The following B4GALT5 variants were observed in gnomAD, a reference collection of about 807,000 sequenced individuals.
B4GALT5 encodes beta-1,4-galactosyltransferase 5.
Under a neutral mutation model 45.0 loss-of-function variants are expected in B4GALT5, and 11 were observed. The observed-to-expected ratio is 0.24, with a 90% CI of 0.15 to 0.40. The LOEUF is 0.40. Among genes scored for constraint, B4GALT5 ranks in the 10% least tolerant of loss-of-function variants. B4GALT5 has a pLI of 1.00. For synonymous variants in B4GALT5, 185 were observed against 182.9 expected, an observed-to-expected ratio of 1.01 and a Z score of -0.09; for missense variants, 337 against 500.2, an observed-to-expected ratio of 0.67 and a Z score of 3.11.
chr20:49,680,000 T>C lies in B4GALT5; in HGVS notation c.116-23298A>G, dbSNP rs536712026. Reference sequence around the variant, plus strand: ...CCTCTCACTAAATACATTTATCACATTCCAGAAGAAGAAAACTATTTTGAC... The same window carrying C: ...CCTCTCACTAAATACATTTATCACACTCCAGAAGAAGAAAACTATTTTGAC... On this transcript the variant is annotated intron_variant, in intron 1 of 8. Transcript: ENST00000371711. Among the ~76,000 whole-genome samples the C allele has an allele frequency of 4.1e-4, 62 of 152,332 alleles. 1 individual carries two copies. The South Asian group carries it at 8.5e-3, about 21-fold the overall frequency.
chr20:49,645,261 C>CT (rs1284072122), intron 3 of B4GALT5, among the ~76,000 whole-genome samples: 1 of 152,026 alleles, frequency 6.6e-6, no homozygotes, highest in East Asian at 1.9e-4. Context: ...ACAAAGCTGA[C>CT]TGCCTATACA....
intron 1 of B4GALT5, among the ~76,000 whole-genome samples, chr20:49,712,278 T>C (rs778002070): frequency 8.5e-5 from 13 of 152,212 alleles, no homozygotes; most frequent in Non-Finnish European, 1.9e-4. Context: ...GGGACTCACA[T>C]TCCCATTTTA....
At chr20:49,640,355 A>C (rs964082608) in intron 6 of B4GALT5, 123 bp downstream of exon 6, 16 of 811,108 alleles carry the variant, frequency 2.0e-5, no homozygotes, top group Non-Finnish European at 5.6e-6. Flanking sequence ...ATGGATACAC[A>C]CATTTTGTTT....
chr20:49,651,592 A>C (rs929061363), intron 2 of B4GALT5, among the ~76,000 whole-genome samples: 2 of 152,064 alleles, frequency 1.3e-5, no homozygotes, highest in Middle Eastern at 3.2e-3. Context: ...CCGTCTCAAA[A>C]AAAAAAAAGA....
rs753899622 is a variant in B4GALT5, at chr20:49,713,539, GA to G, written c.115+36del. The G allele has an allele frequency of 8.4e-6, 13 of 1,541,744 alleles. No homozygotes were observed. The African/African-American group carries it at 1.4e-4, about 16-fold the overall frequency. ...GGATTCCCCGGGTCCCTCAAGGCCA[GA>G]GCGGCAGCCGCCGCGGTCCCAAGCC... On this transcript the variant is annotated intron_variant, in intron 1 of 8. Coordinates refer to ENST00000371711, the MANE Select transcript of B4GALT5 (RefSeq NM_004776.4).
intron 1 of B4GALT5, among the ~76,000 whole-genome samples, chr20:49,671,112 C>T (rs903392239): frequency 2.6e-5 from 4 of 152,168 alleles, no homozygotes; most frequent in Non-Finnish European, 4.4e-5. Context: ...GGCACGGTGG[C>T]TCATGCCTAT....
At chr20:49,640,269 G>T (rs1183019131) in intron 6 of B4GALT5, among the ~76,000 whole-genome samples, 1 of 152,104 alleles carries the variant, frequency 6.6e-6, no homozygotes, top group Admixed American at 6.5e-5. Flanking sequence ...TTAACGTAAT[G>T]TTTTCGAAGT....
At chr20:49,677,223 T>C (rs560711142) in intron 1 of B4GALT5, among the ~76,000 whole-genome samples, 2 of 151,354 alleles carry the variant, frequency 1.3e-5, no homozygotes, top group East Asian at 3.9e-4. Context: ...ATGACCCACA[T>C]ACAAACTGAA....
intron 1 of B4GALT5, among the ~76,000 whole-genome samples, chr20:49,679,987 T>C (rs1407800903): frequency 2.0e-5 from 3 of 152,198 alleles, no homozygotes; most frequent in African/African-American, 7.2e-5. Flanking sequence ...TCTCACTAAA[T>C]ACATTTATCA....
At chr20:49,636,559 C>T in intron 8 of B4GALT5, 100 bp from the exon 9 acceptor site, 1 of 1,343,828 alleles carries the variant, frequency 7.4e-7, no homozygotes, top group Non-Finnish European at 1.0e-6. Context: ...AGGACGCAAC[C>T]CATGGCAGCA....
At chr20:49,659,563 T>A (rs1358656494) in intron 1 of B4GALT5, among the ~76,000 whole-genome samples, 1 of 152,214 alleles carries the variant, frequency 6.6e-6, no homozygotes, top group Non-Finnish European at 1.5e-5. Context: ...CGAAAGGAAC[T>A]AGCACAATGC....
chr20:49,642,358 C>T, intron 5 of B4GALT5, 110 bp downstream of exon 5: 3 of 821,194 alleles, frequency 3.7e-6, no homozygotes, highest in Non-Finnish European at 5.9e-6. Context: ...GCAACTCGAT[C>T]CTAAGATTTC....
At chr20:49,692,510 C>T (rs928155726) in intron 1 of B4GALT5, among the ~76,000 whole-genome samples, 1 of 152,088 alleles carries the variant, frequency 6.6e-6, no homozygotes, top group African/African-American at 2.4e-5. Flanking sequence ...ATCTTGGTAT[C>T]ACCATATCAT....
chr20:49,646,994 T>A lies in B4GALT5; in HGVS notation c.335A>T (p.His112Leu). 1.2e-6 allele frequency: 2 copies of A among 1,613,692 alleles called. No individual in the cohort carries two copies. The highest frequency in any genetic ancestry group is 1.7e-6 in the Non-Finnish European group (2 of 1,179,634). Residue 112 changes from histidine to leucine, a missense_variant, in exon 3 of 9, where the codon CAT (histidine) becomes CTT (leucine). Transcript: ENST00000371711. ...LPEDFTYFAN[H>L]TCPERLPSMK... ...GGAAGGGAGTCTTTCAGGGCAGGTA[T>A]GGTTTGCAAAGTAGGTGAAGTCTTC...
intron 3 of B4GALT5, among the ~76,000 whole-genome samples, chr20:49,643,977 G>A (rs552247608): frequency 8.0e-5 from 11 of 137,628 alleles, no homozygotes; most frequent in South Asian, 6.9e-4. Flanking sequence ...TGCCCGGGCT[G>A]GAGTGCAGTG....
At chr20:49,666,968 C>A (rs1326837709) in intron 1 of B4GALT5, among the ~76,000 whole-genome samples, 1 of 152,158 alleles carries the variant, frequency 6.6e-6, no homozygotes, top group African/African-American at 2.4e-5. Context: ...CAGCACCTTT[C>A]CAAATGCCTG....
intron 1 of B4GALT5, among the ~76,000 whole-genome samples, chr20:49,710,953 T>C (rs1288200241): frequency 6.6e-6 from 1 of 151,858 alleles, no homozygotes; most frequent in African/African-American, 2.4e-5. Context: ...CAGGGTGGCA[T>C]GTACCTGGAG....
intron 1 of B4GALT5, among the ~76,000 whole-genome samples, chr20:49,703,260 A>T (rs912833697): frequency 6.6e-6 from 1 of 152,158 alleles, no homozygotes; most frequent in Admixed American, 6.5e-5. Context: ...TTACTAAAAT[A>T]GATACATGGC....
chr20:49,689,798 T>C (rs1188716920), intron 1 of B4GALT5, among the ~76,000 whole-genome samples: 1 of 152,170 alleles, frequency 6.6e-6, no homozygotes, highest in East Asian at 1.9e-4. Flanking sequence ...TATCAAGATA[T>C]GAAACATTAC....
Sources: allele counts gnomAD v4.1 joint callset (sites outside exome capture counted in the v4.1 genomes callset), GRCh38; gene constraint gnomAD v4.1.1; transcripts MANE v1.5; gene names NCBI Gene and HGNC (gene_info 2026-07-23, HGNC 2026-07-21).